ASTN2: variants seen among roughly 807,000 people sequenced by gnomAD.
ASTN2 encodes astrotactin 2, also known as astrotactin-2.
Under a neutral mutation model 139.8 loss-of-function variants are expected in ASTN2, and 54 were observed. The ratio of observed to expected loss-of-function variants is 0.39; its 90% CI spans 0.31 to 0.48. The LOEUF (loss-of-function observed/expected upper bound fraction) is 0.48, where lower values mean the gene tolerates loss of function less well. Among genes scored for constraint, ASTN2 ranks in the 20% least tolerant of loss-of-function variants. The pLI, the probability that ASTN2 is intolerant of heterozygous loss-of-function variation, is 0.95. For synonymous variants in ASTN2, 756 were observed against 719.5 expected, an observed-to-expected ratio of 1.05 and a Z score of -0.81; for missense variants, 1,565 against 1,725.1, an observed-to-expected ratio of 0.91 and a Z score of 1.64.
At chr9:117,276,530 G>A in intron 2 of ASTN2, among the ~76,000 whole-genome samples, 1 of 152,324 alleles carries the variant, frequency 6.6e-6, no homozygotes, top group Middle Eastern at 3.4e-3. Flanking sequence ...TCCCTATTAA[G>A]GAAAGCTGAG....
At chr9:116,445,870 G>A (rs532406910) in intron 20 of ASTN2, among the ~76,000 whole-genome samples, 1 of 152,300 alleles carries the variant, frequency 6.6e-6, no homozygotes, top group South Asian at 2.1e-4. Context: ...GCCAGTGGGG[G>A]CCTCGGGATG....
chr9:117,054,383 C>A (rs10118996), intron 5 of ASTN2, among the ~76,000 whole-genome samples: 26,425 of 152,136 alleles, frequency 0.17, 2,545 homozygotes, highest in African/African-American at 0.24. Context: ...CCCTGTTCAT[C>A]ATAGGAAGAA....
At chr9:117,196,328 C>T (rs935060396) in intron 3 of ASTN2, among the ~76,000 whole-genome samples, 2 of 152,152 alleles carry the variant, frequency 1.3e-5, no homozygotes, top group South Asian at 4.2e-4. Context: ...GCAGCAGCAG[C>T]AACAGTATCC....
chr9:116,577,899 T>C (rs1396074359), intron 19 of ASTN2, among the ~76,000 whole-genome samples: 1 of 152,086 alleles, frequency 6.6e-6, no homozygotes, highest in East Asian at 1.9e-4. Flanking sequence ...GGATTTAAAC[T>C]TGCAGTGACC....
chr9:117,409,164 C>A (rs978072151), intron 1 of ASTN2, among the ~76,000 whole-genome samples: 2 of 152,154 alleles, frequency 1.3e-5, no homozygotes, highest in African/African-American at 4.8e-5. Context: ...TCTTGCTTCT[C>A]CATCCCAGAA....
intron 19 of ASTN2, among the ~76,000 whole-genome samples, chr9:116,539,805 T>A (rs566502739): frequency 6.6e-6 from 1 of 152,358 alleles, no homozygotes; most frequent in South Asian, 2.1e-4. Context: ...CTTCTGGAAT[T>A]TTCTATTTAA....
chr9:117,116,037 C>CATATATATATATAT lies in ASTN2; in HGVS notation c.1169-19900_1169-19887dup, dbSNP rs113795526. ...GAGACTCCGCCTCAAAAAAAAAATG[C>CATATATATATATAT]ATATATATATATATATTGCTCCCAT... is the stretch of plus-strand genomic sequence containing the variant. On this transcript the variant is annotated intron_variant, in intron 4 of 22. Transcript: ENST00000313400. Among the ~76,000 whole-genome samples, 15 of 140,496 alleles carry CATATATATATATAT rather than the reference C, an allele frequency of 1.1e-4. 1 individual carries two copies. The highest frequency in any genetic ancestry group is 3.8e-4 in the African/African-American group (14 of 37,216). 92.2% of individuals were successfully genotyped at this position (140,496 alleles called of 152,430 possible). A position where few individuals can be genotyped will look rare whatever the true frequency, so the allele number is the denominator to read the frequency against.
chr9:117,104,483 TAAAG>T (rs1283877838), intron 4 of ASTN2, among the ~76,000 whole-genome samples: 5 of 150,846 alleles, frequency 3.3e-5, no homozygotes, highest in Admixed American at 6.7e-5. Context: ...GTAATAAAAA[TAAAG>T]AAGAAAAAAG....
intron 2 of ASTN2, among the ~76,000 whole-genome samples, chr9:117,254,382 C>T (rs560282515): frequency 3.9e-5 from 6 of 152,276 alleles, no homozygotes; most frequent in Admixed American, 6.5e-5. Flanking sequence ...ATTCAACATA[C>T]GTTTCATCTA....
At chr9:116,646,406 T>G (rs1474577640) in intron 17 of ASTN2, among the ~76,000 whole-genome samples, 1 of 152,138 alleles carries the variant, frequency 6.6e-6, no homozygotes, top group African/African-American at 2.4e-5. Context: ...CCATGTGGCC[T>G]GTAGAGATGA....
chr9:116,910,670 A>T (rs1302765328), intron 10 of ASTN2, among the ~76,000 whole-genome samples: 3 of 152,192 alleles, frequency 2.0e-5, no homozygotes, highest in Non-Finnish European at 4.4e-5. Flanking sequence ...AGACACAGGA[A>T]GAGTGCCCAT....
intron 10 of ASTN2, among the ~76,000 whole-genome samples, chr9:116,921,462 C>T (rs2132436408): frequency 6.6e-6 from 1 of 152,022 alleles, no homozygotes; most frequent in East Asian, 1.9e-4. Context: ...GTGGAGGTCG[C>T]CTGTAGTCCC....
intron 3 of ASTN2, among the ~76,000 whole-genome samples, chr9:117,182,322 CACAG>C (rs1288744230): frequency 1.3e-4 from 5 of 39,924 alleles, no homozygotes; most frequent in African/African-American, 2.0e-4. Context: ...ACGACACAGA[CACAG>C]ACACACACAC....
At chr9:116,517,748 T>TA (rs977969890) in intron 19 of ASTN2, among the ~76,000 whole-genome samples, 6 of 151,700 alleles carry the variant, frequency 4.0e-5, no homozygotes, top group Non-Finnish European at 8.8e-5. Flanking sequence ...CTTGAAGAAA[T>TA]AAAAAATATG....
chr9:117,248,318 G>C (rs1260651972), intron 2 of ASTN2, among the ~76,000 whole-genome samples: 1 of 152,204 alleles, frequency 6.6e-6, no homozygotes, highest in African/African-American at 2.4e-5. Context: ...AATGTGAGTT[G>C]AGTCAACAGT....
At chr9:117,180,925 T>A in intron 3 of ASTN2, 1 of 1,595,148 alleles carries the variant, frequency 6.3e-7, no homozygotes, top group Non-Finnish European at 8.5e-7. Context: ...GTTCTGCAGC[T>A]TGGTGTGGAT....
intron 2 of ASTN2, among the ~76,000 whole-genome samples, chr9:117,233,779 G>A (rs1046490706): frequency 6.6e-6 from 1 of 152,162 alleles, no homozygotes; most frequent in African/African-American, 2.4e-5. Flanking sequence ...GAAGAAAGCA[G>A]TTTTGTGTTT....
chr9:116,762,908 C>A (rs961592841), intron 13 of ASTN2, among the ~76,000 whole-genome samples: 5 of 152,212 alleles, frequency 3.3e-5, no homozygotes, highest in Admixed American at 6.5e-5. Flanking sequence ...TGTTGCAACC[C>A]TATGACATTG....
At chr9:117,245,305 C>T (rs1310355814) in intron 2 of ASTN2, among the ~76,000 whole-genome samples, 5 of 152,200 alleles carry the variant, frequency 3.3e-5, no homozygotes, top group Non-Finnish European at 7.3e-5. Flanking sequence ...TGGATAATAA[C>T]AGGCTAATAA....
Sources: allele counts gnomAD v4.1 joint callset (sites outside exome capture counted in the v4.1 genomes callset), GRCh38; gene constraint gnomAD v4.1.1; transcripts MANE v1.5; gene names NCBI Gene and HGNC (gene_info 2026-07-23, HGNC 2026-07-21).